The following NDEL1 variants were observed in gnomAD, a reference collection of about 807,000 sequenced individuals.
The protein encoded by NDEL1 is nuclear distribution protein nudE-like 1.
Under a neutral mutation model 45.7 loss-of-function variants are expected in NDEL1, and 9 were observed. The observed-to-expected ratio is 0.20, with a 90% CI of 0.12 to 0.34. The LOEUF is 0.34. Ranked by LOEUF, NDEL1 falls within the 10% of genes least tolerant of loss-of-function variation. The pLI is 1.00. For synonymous variants in NDEL1, 133 were observed against 158.6 expected, an observed-to-expected ratio of 0.84 and a Z score of 1.21; for missense variants, 306 against 406.2, an observed-to-expected ratio of 0.75 and a Z score of 2.12.
At position 8,418,243 on chromosome 17, in the gene NDEL1, C is replaced by G. The variant is rs375032268; in HGVS notation, c.-13+4974C>G. On this transcript the variant is annotated intron_variant, in intron 1 of 4. Transcript: ENST00000582812. ...CTTTTAAAATTTTTGTTCGATCTTT[C>G]TTTTTGGTGGGATTTCAAGAGGAAG... Among the ~76,000 whole-genome samples, 72 of 152,168 alleles carry G rather than the reference C, an allele frequency of 4.7e-4. No homozygotes were observed. The East Asian group carries it at 0.013, about 27-fold the overall frequency.
intron 1 of NDEL1, among the ~76,000 whole-genome samples, chr17:8,427,356 G>A (rs914065957): frequency 5.9e-5 from 9 of 152,270 alleles, no homozygotes; most frequent in East Asian, 3.9e-4. Context: ...GTCAGGGACC[G>A]AACCATAGTG....
In NDEL1 at chr17:8,467,544, G is replaced by A. The variant is rs985169984; in HGVS notation, c.*521G>A. 2 of 268,426 alleles carry A rather than the reference G, an allele frequency of 7.5e-6. No homozygotes were observed. The highest frequency in any genetic ancestry group is 4.4e-5 in the African/African-American group (2 of 45,500). 16.6% of individuals were successfully genotyped at this position (268,426 alleles called of 1,614,324 possible). A position where few individuals can be genotyped will look rare whatever the true frequency, so the allele number is the denominator to read the frequency against. ...CTGGCAAAGAGTCAGGAAGGTTACT[G>A]AATTAGGGAACATTTTCTGCACCTT... is the stretch of plus-strand genomic sequence containing the variant. On this transcript the variant is annotated 3_prime_UTR_variant, in exon 9 of 9. Transcript: ENST00000334527. The surrounding 1 kb of genome is among the most constrained non-coding windows in gnomAD (Gnocchi z 6.3).
At chr17:8,430,780 C>T (rs1168090071) in intron 1 of NDEL1, among the ~76,000 whole-genome samples, 2 of 152,178 alleles carry the variant, frequency 1.3e-5, no homozygotes, top group East Asian at 3.9e-4. Context: ...AACTTCTGTT[C>T]CCTTTCGGGG....
chr17:8,430,719 G>A (rs910662080), intron 1 of NDEL1, among the ~76,000 whole-genome samples: 3 of 152,188 alleles, frequency 2.0e-5, no homozygotes, highest in Non-Finnish European at 2.9e-5. Flanking sequence ...AAAGGCAGAG[G>A]GTAGGGCAGC....
chr17:8,447,029 A>G, intron 4 of NDEL1, 127 bp downstream of exon 4: 1 of 1,187,162 alleles, frequency 8.4e-7, no homozygotes, highest in South Asian at 1.5e-5. Context: ...TGTCACCTGT[A>G]ACTCATCGGA....
rs557118243 is a variant in NDEL1, at chr17:8,459,722, GC to G, written c.793-286del. On this transcript the variant is annotated intron_variant, in intron 7 of 8. Coordinates refer to ENST00000334527, the MANE Select transcript of NDEL1 (RefSeq NM_030808.5). Reference sequence around the variant, plus strand: ...GATAGGGTCAAGAGACCTGGGATCTGCTGTTCCACCTCCTGTACCACACTTT... The same window carrying G: ...GATAGGGTCAAGAGACCTGGGATCTGTGTTCCACCTCCTGTACCACACTTT... Among the ~76,000 whole-genome samples the G allele has an allele frequency of 1.3e-4, 20 of 152,294 alleles. No homozygotes were observed. The East Asian group carries it at 3.7e-3, about 28-fold the overall frequency.
intron 1 of NDEL1, among the ~76,000 whole-genome samples, chr17:8,442,303 C>T (rs769201769): frequency 5.9e-5 from 9 of 152,252 alleles, no homozygotes; most frequent in Middle Eastern, 3.4e-3. Flanking sequence ...AAGTAAACTA[C>T]CCGCACATCT....
chr17:8,438,952 T>C (rs1248147466), intron 1 of NDEL1, among the ~76,000 whole-genome samples: 2 of 58,138 alleles, frequency 3.4e-5, no homozygotes, highest in African/African-American at 4.2e-5. Context: ...TTTTTTTTTT[T>C]TTGAAACGGA....
chr17:8,473,774 T>C (rs1344107630), intron 3 of NDEL1, among the ~76,000 whole-genome samples: 7 of 152,250 alleles, frequency 4.6e-5, no homozygotes, highest in Non-Finnish European at 1.0e-4. Flanking sequence ...GCCCTAGTAT[T>C]TCTCTCATCC....
intron 5 of NDEL1, 128 bp downstream of exon 5, chr17:8,448,814 A>C: frequency 6.2e-6 from 6 of 975,500 alleles, no homozygotes; most frequent in Non-Finnish European, 8.9e-6. Context: ...CACGGCATTC[A>C]AAACCCTGTA....
At chr17:8,428,909 G>A (rs1338100415) in intron 1 of NDEL1, among the ~76,000 whole-genome samples, 6 of 152,090 alleles carry the variant, frequency 3.9e-5, no homozygotes, top group South Asian at 2.1e-4. Flanking sequence ...TCCTGACCTT[G>A]TGATCTGCCT....
chr17:8,447,016 T>C, intron 4 of NDEL1, 114 bp downstream of exon 4: 2 of 1,310,246 alleles, frequency 1.5e-6, no homozygotes, highest in Non-Finnish European at 2.1e-6. Context: ...TGTTGGTGTT[T>C]CATGTCACCT....
chr17:8,440,286 G>A (rs1171405183), intron 1 of NDEL1, among the ~76,000 whole-genome samples: 1 of 152,150 alleles, frequency 6.6e-6, no homozygotes, highest in African/African-American at 2.4e-5. Flanking sequence ...GGGAGGCCGA[G>A]GAGGGCAGAT....
At chr17:8,425,113 C>T (rs1320314973) in intron 1 of NDEL1, among the ~76,000 whole-genome samples, 2 of 152,204 alleles carry the variant, frequency 1.3e-5, no homozygotes, top group Non-Finnish European at 2.9e-5. Context: ...ATCTCTTATA[C>T]CTGTTGGATG....
chr17:8,438,946 T>G (rs1235740897), intron 1 of NDEL1, among the ~76,000 whole-genome samples: 1 of 100,436 alleles, frequency 1.0e-5, no homozygotes, highest in African/African-American at 3.3e-5. Flanking sequence ...GTTCTTTTTT[T>G]TTTTTTTTGA....
At position 8,428,891 on chromosome 17, in the gene NDEL1, T is replaced by C. The variant is rs1001580446; in HGVS notation, c.-12-15369T>C. 3.3e-5 allele frequency among the ~76,000 whole-genome samples: 5 copies of C among 152,088 alleles called. No homozygotes were observed. In the East Asian group the frequency reaches 5.8e-4, roughly 18 times the overall value. On this transcript the variant is annotated intron_variant, in intron 1 of 4. Coordinates refer to the NDEL1 transcript ENST00000582812. ...GGTTTCACCGTGTTAGCCAAGATGG[T>C]CTCGATCTCCTGACCTTGTGATCTG...
chr17:8,429,116 T>C (rs1335119999), intron 1 of NDEL1, among the ~76,000 whole-genome samples: 1 of 152,250 alleles, frequency 6.6e-6, no homozygotes, highest in East Asian at 1.9e-4. Context: ...GACCCAAATC[T>C]TAGTTCCTTT....
chr17:8,421,597 G>A (rs750994125), intron 1 of NDEL1, among the ~76,000 whole-genome samples: 10 of 152,080 alleles, frequency 6.6e-5, no homozygotes, highest in Non-Finnish European at 1.2e-4. Context: ...TTTAAGTATC[G>A]GTTTAGACAC....
At chr17:8,452,627 G>C (rs1910576733) in intron 6 of NDEL1, among the ~76,000 whole-genome samples, 1 of 151,492 alleles carries the variant, frequency 6.6e-6, no homozygotes, top group Non-Finnish European at 1.5e-5. Flanking sequence ...TTTCTGAAGT[G>C]GTCTGTCTTT....
Sources: gnomAD v4.1 joint callset for allele counts (sites outside exome capture counted in the v4.1 genomes callset) on GRCh38, gnomAD v4.1.1 for gene constraint, Gnocchi (gnomAD v3.1) non-coding constraint, MANE v1.5 for transcripts, NCBI Gene and HGNC (gene_info 2026-07-23, HGNC 2026-07-21) for gene names.